Variants in MARCHF1 observed in about 807,000 individuals in gnomAD.
MARCHF1 encodes the protein E3 ubiquitin-protein ligase MARCHF1.
A neutral mutation model predicts 54.2 loss-of-function variants in MARCHF1; 40 were observed. The ratio of observed to expected loss-of-function variants is 0.74; its 90% CI spans 0.57 to 0.96. The LOEUF is 0.96. MARCHF1 is among the 40% of genes least tolerant of loss of function. MARCHF1 has a pLI of 0.00. For missense variants in MARCHF1, 586 were observed against 656.5 expected, an observed-to-expected ratio of 0.89 and a Z score of 1.17; for synonymous variants, 236 against 236.3, an observed-to-expected ratio of 1.00 and a Z score of 0.01.
chr4:164,022,687 G>T (rs998373847), intron 2 of MARCHF1, among the ~76,000 whole-genome samples: 2 of 152,214 alleles, frequency 1.3e-5, no homozygotes, highest in Non-Finnish European at 2.9e-5. Context: ...AGCTGCGGCG[G>T]AGTGCGGCCA....
chr4:163,782,669 C>CAAAAAAA (rs779917586), intron 4 of MARCHF1, among the ~76,000 whole-genome samples: 1 of 108,410 alleles, frequency 9.2e-6, no homozygotes, highest in African/African-American at 3.8e-5. Context: ...ACTCCATCTC[C>CAAAAAAA]AAAAAAAAAA....
rs144631909 is a variant in MARCHF1, at chr4:164,339,133, G to A, written c.-323+44737C>T. Among the ~76,000 whole-genome samples, 818 of 152,180 alleles carry A rather than the reference G, an allele frequency of 5.4e-3. 13 individuals are homozygous for A. Among genetic ancestry groups the A allele is most frequent in the East Asian group, 0.03 (155 of 5,184 alleles). ...CAGCAATGCAATATTAGTAGGAAAC[G>A]TTAATTCCTCACTTTCAACAACGGA... On this transcript the variant is annotated intron_variant, in intron 1 of 9. Transcript: ENST00000514618.
chr4:164,033,489 A>G (rs138715140), intron 2 of MARCHF1, among the ~76,000 whole-genome samples: 1,615 of 152,322 alleles, frequency 0.011, 21 homozygotes, highest in African/African-American at 0.036. Context: ...CTAACAGGCT[A>G]CCTACAGAAT....
chr4:164,360,892 A>G (rs1182270763), intron 1 of MARCHF1, among the ~76,000 whole-genome samples: 1 of 152,084 alleles, frequency 6.6e-6, no homozygotes, highest in Non-Finnish European at 1.5e-5. Context: ...TACTATTTCT[A>G]TACTATTTCT....
intron 8 of MARCHF1, among the ~76,000 whole-genome samples, 165 bp from the exon 9 acceptor site, chr4:163,545,908 A>G (rs950103650): frequency 6.6e-6 from 1 of 152,060 alleles, no homozygotes; most frequent in Non-Finnish European, 1.5e-5. Flanking sequence ...GAGAGATATG[A>G]AATTATAACC....
intron 4 of MARCHF1, among the ~76,000 whole-genome samples, chr4:163,805,161 T>C (rs754450148): frequency 6.6e-5 from 10 of 152,102 alleles, no homozygotes; most frequent in Non-Finnish European, 1.3e-4. Flanking sequence ...TGTATTGATA[T>C]TGATTAGAAT....
intron 4 of MARCHF1, among the ~76,000 whole-genome samples, chr4:163,815,661 G>A (rs1748512805): frequency 6.6e-6 from 1 of 152,080 alleles, no homozygotes; most frequent in Non-Finnish European, 1.5e-5. Flanking sequence ...CATACAGTAA[G>A]ACCTTTTTCT....
intron 1 of MARCHF1, among the ~76,000 whole-genome samples, chr4:164,217,249 C>A (rs1435532382): frequency 6.6e-6 from 1 of 152,180 alleles, no homozygotes; most frequent in Non-Finnish European, 1.5e-5. Context: ...CAAACAACTT[C>A]CCCAAACAAT....
At chr4:164,199,944 G>C (rs961700578) in intron 1 of MARCHF1, among the ~76,000 whole-genome samples, 16 of 152,148 alleles carry the variant, frequency 1.1e-4, no homozygotes, top group African/African-American at 3.4e-4. Context: ...AAGTTCCCAG[G>C]AAGGCAGGCT....
intron 1 of MARCHF1, among the ~76,000 whole-genome samples, chr4:164,150,807 T>C (rs1224070767): frequency 6.6e-6 from 1 of 152,218 alleles, no homozygotes; most frequent in South Asian, 2.1e-4. Context: ...CACGTACTAA[T>C]GTCCAGAATC....
intron 5 of MARCHF1, among the ~76,000 whole-genome samples, chr4:163,676,830 G>GA (rs923717907): frequency 7.3e-5 from 11 of 151,658 alleles, no homozygotes; most frequent in Admixed American, 3.3e-4. Context: ...AAGCAAGAGA[G>GA]AAAAAATTAA....
intron 1 of MARCHF1, among the ~76,000 whole-genome samples, chr4:164,261,222 G>A (rs897681139): frequency 6.6e-6 from 1 of 152,078 alleles, no homozygotes; most frequent in Admixed American, 6.6e-5. Context: ...GAATTGTGAG[G>A]CAATAAATTT....
chr4:163,870,008 C>G (rs1027466823), intron 3 of MARCHF1, among the ~76,000 whole-genome samples: 1 of 151,946 alleles, frequency 6.6e-6, no homozygotes, highest in Non-Finnish European at 1.5e-5. Context: ...AAATATAAAG[C>G]CTAAGAAATG....
At chr4:163,639,090 A>T (rs1257838970) in intron 5 of MARCHF1, among the ~76,000 whole-genome samples, 1 of 152,104 alleles carries the variant, frequency 6.6e-6, no homozygotes, top group Non-Finnish European at 1.5e-5. Flanking sequence ...TTACAGGAGG[A>T]AAAGAGTGCT....
chr4:163,934,426 G>C (rs1356942729), intron 3 of MARCHF1, among the ~76,000 whole-genome samples: 1 of 151,434 alleles, frequency 6.6e-6, no homozygotes, highest in African/African-American at 2.4e-5. Flanking sequence ...AGGTGTGGTG[G>C]TATGCATCTG....
At chr4:163,922,463 C>CATAG (rs930721008) in intron 3 of MARCHF1, among the ~76,000 whole-genome samples, 4 of 151,802 alleles carry the variant, frequency 2.6e-5, no homozygotes, top group Admixed American at 2.6e-4. Context: ...CAGTGAGTCA[C>CATAG]ATAGGCCTGT....
intron 5 of MARCHF1, among the ~76,000 whole-genome samples, chr4:163,620,575 A>ACC: frequency 1.1e-5 from 1 of 91,422 alleles, no homozygotes; most frequent in African/African-American, 4.7e-5. Flanking sequence ...CACCACACAC[A>ACC]CACACACACA....
At chr4:164,176,972 CTCT>C (rs1560940553) in intron 1 of MARCHF1, among the ~76,000 whole-genome samples, 1,732 of 56,726 alleles carry the variant, frequency 0.031, 174 homozygotes, top group Non-Finnish European at 0.036. Context: ...CTCTCTCTCT[CTCT>C]CTCTCTATAT....
chr4:163,529,709 T>G (rs1404474213), intron 9 of MARCHF1: 1 of 152,124 alleles, frequency 6.6e-6, no homozygotes, highest in Non-Finnish European at 1.5e-5. Context: ...ATATTTTCTC[T>G]TAATTTCCAT....
Sources: allele counts gnomAD v4.1 joint callset (sites outside exome capture counted in the v4.1 genomes callset), GRCh38; gene constraint gnomAD v4.1.1; transcripts MANE v1.5; gene names NCBI Gene and HGNC (gene_info 2026-07-23, HGNC 2026-07-21).